The following RSPH14 variants were observed in gnomAD, a reference collection of about 807,000 sequenced individuals.
RSPH14 encodes the protein rhabdoid tumor deletion region gene 1.
Under a neutral mutation model 26.7 loss-of-function variants are expected in RSPH14, and 20 were observed. The observed-to-expected ratio is 0.75, with a 90% CI of 0.53 to 1.09. RSPH14 has a LOEUF of 1.09. Among genes scored for constraint, RSPH14 ranks in the 50% least tolerant of loss-of-function variants. RSPH14 has a pLI of 0.00. For synonymous variants in RSPH14, 177 were observed against 189.3 expected, an observed-to-expected ratio of 0.93 and a Z score of 0.53; for missense variants, 449 against 457.2, an observed-to-expected ratio of 0.98 and a Z score of 0.16.
the RSPH14 span, chr22:23,179,980 C>T: frequency 9.3e-6 from 3 of 323,590 alleles, no homozygotes; most frequent in Middle Eastern, 7.2e-4. Flanking sequence ...CTTGCAGATG[C>T]CCACGATGGT....
intron 4 of RSPH14, chr22:23,124,379 G>A: frequency 4.3e-6 from 2 of 467,848 alleles, no homozygotes; most frequent in Non-Finnish European, 8.9e-6. Flanking sequence ...TTGTTATCTG[G>A]ACGATCTGTC....
chr22:23,079,477 G>A (rs1464298001), intron 4 of RSPH14, among the ~76,000 whole-genome samples: 2 of 152,168 alleles, frequency 1.3e-5, no homozygotes, highest in African/African-American at 4.8e-5. Context: ...GGGAGCATGG[G>A]CGTGGGAGTC....
intron 4 of RSPH14, among the ~76,000 whole-genome samples, chr22:23,068,396 C>G (rs765078724): frequency 6.6e-6 from 1 of 152,252 alleles, no homozygotes; most frequent in Non-Finnish European, 1.5e-5. Flanking sequence ...CCCTGCCCTA[C>G]AGGCAGAGGG....
intron 4 of RSPH14, among the ~76,000 whole-genome samples, chr22:23,072,092 G>A (rs985883900): frequency 1.3e-5 from 2 of 152,124 alleles, no homozygotes; most frequent in African/African-American, 4.8e-5. Flanking sequence ...TTAAAGACTG[G>A]GGAAGGCTCC....
intron 4 of RSPH14, among the ~76,000 whole-genome samples, chr22:23,113,407 G>A (rs1179770987): frequency 6.6e-6 from 1 of 152,188 alleles, no homozygotes. Flanking sequence ...GAGCTGTCTC[G>A]GATAGCCTCC....
At position 23,114,362 on chromosome 22, in the gene RSPH14, T is replaced by C. The variant is rs2069754843; in HGVS notation, c.421+19664A>G. On this transcript the variant is annotated intron_variant, in intron 4 of 6. Coordinates refer to ENST00000216036, the MANE Select transcript of RSPH14 (RefSeq NM_014433.3). ...GGACTTGCTCTACAGATGAGGAAAC[T>C]GAGGCCCAGGGTGGGACAGACCGGC... Among the ~76,000 whole-genome samples, 6 of 152,316 alleles carry C rather than the reference T, an allele frequency of 3.9e-5. No individual in the cohort carries two copies. In the South Asian group the frequency reaches 1.2e-3, roughly 32 times the overall value.
At chr22:23,103,750 C>T (rs1400542992) in intron 4 of RSPH14, among the ~76,000 whole-genome samples, 2 of 152,192 alleles carry the variant, frequency 1.3e-5, no homozygotes, top group Non-Finnish European at 2.9e-5. Flanking sequence ...ATGTGTGGGC[C>T]CTGGGCCTGA....
chr22:23,135,038 G>A (rs2070440545), intron 3 of RSPH14, among the ~76,000 whole-genome samples: 1 of 152,106 alleles, frequency 6.6e-6, no homozygotes, highest in South Asian at 2.1e-4. Context: ...AGGCATGGTG[G>A]TGTGTGCCTG....
chr22:23,169,260 T>A, the RSPH14 span, among the ~76,000 whole-genome samples: 1 of 152,140 alleles, frequency 6.6e-6, no homozygotes, highest in African/African-American at 2.4e-5. Context: ...GGGGCAGGAA[T>A]AAAGGACAGC....
chr22:23,177,080 T>C, the RSPH14 span, among the ~76,000 whole-genome samples: 7 of 152,342 alleles, frequency 4.6e-5, no homozygotes, highest in Non-Finnish European at 8.8e-5. Flanking sequence ...ACCCAAACTT[T>C]GTGCAGGCCT....
intron 4 of RSPH14, among the ~76,000 whole-genome samples, chr22:23,098,811 G>A (rs997598640): frequency 6.6e-6 from 1 of 152,242 alleles, no homozygotes. Context: ...CCCCGGAGGT[G>A]AGCTGGCCCC....
chr22:23,131,739 C>A, intron 4 of RSPH14: 1 of 772,928 alleles, frequency 1.3e-6, no homozygotes. Flanking sequence ...CATGGATCAC[C>A]CTAATACCCC....
At chr22:23,080,260 T>C (rs1225238257) in intron 4 of RSPH14, among the ~76,000 whole-genome samples, 7 of 152,178 alleles carry the variant, frequency 4.6e-5, no homozygotes, top group Non-Finnish European at 1.0e-4. Context: ...TCACCCTTTG[T>C]CTGGTCAGCC....
At chr22:23,102,183 T>C (rs1238723756) in intron 4 of RSPH14, among the ~76,000 whole-genome samples, 1 of 152,234 alleles carries the variant, frequency 6.6e-6, no homozygotes, top group African/African-American at 2.4e-5. Flanking sequence ...GCCACCTCAG[T>C]GGGCCTTCAG....
At chr22:23,085,565 G>A (rs1225247963) in intron 4 of RSPH14, among the ~76,000 whole-genome samples, 1 of 152,194 alleles carries the variant, frequency 6.6e-6, no homozygotes, top group African/African-American at 2.4e-5. Context: ...ACTGAGCCAG[G>A]GAGAGGGTGA....
the RSPH14 span, among the ~76,000 whole-genome samples, chr22:23,177,559 T>G: frequency 6.6e-6 from 1 of 152,144 alleles, no homozygotes; most frequent in East Asian, 1.9e-4. Flanking sequence ...CCCATGCCCA[T>G]GCCCATGCCC....
chr22:23,176,867 T>C, the RSPH14 span, among the ~76,000 whole-genome samples: 25 of 152,338 alleles, frequency 1.6e-4, no homozygotes, highest in South Asian at 2.1e-4. Flanking sequence ...ACGGTGGCCA[T>C]TGAAACTCAC....
chr22:23,144,119 A>C (rs1039709375), upstream of RSPH14, among the ~76,000 whole-genome samples: 78 of 150,314 alleles, frequency 5.2e-4, 1 homozygote, highest in East Asian at 0.012. Context: ...AAAAAAAAAA[A>C]ACAGCTAAAG....
intron 4 of RSPH14, among the ~76,000 whole-genome samples, chr22:23,130,089 AAGAAAGAAAGAAAGAAAGAAAGAAAG>A (rs2070293727): frequency 2.6e-4 from 5 of 19,088 alleles, no homozygotes; most frequent in African/African-American, 5.3e-4. Context: ...GAAAGGAAGA[AAGAAAGAAAGAAAGAAAGAAAGAAAG>A]AAAGAAAGAA....
Sources: gnomAD v4.1 joint callset for allele counts (sites outside exome capture counted in the v4.1 genomes callset) on GRCh38, gnomAD v4.1.1 for gene constraint, MANE v1.5 for transcripts, NCBI Gene and HGNC (gene_info 2026-07-23, HGNC 2026-07-21) for gene names.